The following MMP16 variants were observed in gnomAD, a reference collection of about 807,000 sequenced individuals.
MMP16 encodes matrix metallopeptidase 16, also known as matrix metalloproteinase-16.
In MMP16, 12 loss-of-function variants were observed where a neutral mutation model predicts 67.8. The ratio of observed to expected loss-of-function variants is 0.18; its 90% confidence interval spans 0.11 to 0.29. The LOEUF (loss-of-function observed/expected upper bound fraction) is 0.29, where lower values mean the gene tolerates loss of function less well. MMP16 is among the 10% of genes least tolerant of loss of function. The pLI, the probability that MMP16 is intolerant of heterozygous loss-of-function variation, is 1.00. For missense variants in MMP16, 475 were observed against 765.7 expected (o/e 0.62, Z 4.48); for synonymous variants, 249 against 255.9 (o/e 0.97, Z 0.26).
At chr8:88,112,078 G>A (rs144683621) in intron 6 of MMP16, among the ~76,000 whole-genome samples, 1 of 151,558 alleles carries the variant, frequency 6.6e-6, no homozygotes, top group Non-Finnish European at 1.5e-5. Flanking sequence ...TTTGAATACT[G>A]TTCCACGACA....
intron 1 of MMP16, among the ~76,000 whole-genome samples, chr8:88,223,542 G>T (rs1199612426): frequency 6.6e-6 from 1 of 151,884 alleles, no homozygotes; most frequent in African/African-American, 2.4e-5. Context: ...GTCCTTTGCA[G>T]GGACATGGAT....
In MMP16 at chr8:88,099,903, G is replaced by A. The variant is rs138127552; in HGVS notation, c.1083+16604C>T. ...CTGATTAGTTGATTAATGTCTATTTGCCACACTGGACTGTAAGCTCTTTAG... is the reference window on the plus strand; with the variant it reads ...CTGATTAGTTGATTAATGTCTATTTACCACACTGGACTGTAAGCTCTTTAG... On this transcript the variant is annotated intron_variant, in intron 6 of 9. Coordinates refer to ENST00000286614, the MANE Select transcript of MMP16 (RefSeq NM_005941.5). Among the ~76,000 whole-genome samples the A allele has an allele frequency of 3.3e-3, 505 of 151,944 alleles. 6 individuals are homozygous for A. Among genetic ancestry groups the A allele is most frequent in the African/African-American group, 0.012 (479 of 41,498 alleles).
intron 1 of MMP16, among the ~76,000 whole-genome samples, chr8:88,271,483 T>C (rs533561130): frequency 2.0e-5 from 3 of 151,868 alleles, no homozygotes; most frequent in African/African-American, 7.2e-5. Context: ...GATTTGGATT[T>C]TATTTTATTT....
intron 2 of MMP16, among the ~76,000 whole-genome samples, chr8:88,187,250 AG>A (rs1375133378): frequency 6.6e-6 from 1 of 152,208 alleles, no homozygotes; most frequent in Non-Finnish European, 1.5e-5. Flanking sequence ...CACAAGACTA[AG>A]GTTTGATGTA....
intron 1 of MMP16, among the ~76,000 whole-genome samples, chr8:88,243,742 G>C (rs2129906817): frequency 6.6e-6 from 1 of 152,260 alleles, no homozygotes; most frequent in South Asian, 2.1e-4. Context: ...AGTAAGCAGG[G>C]ATCGTTTGTG....
chr8:88,230,499 G>T (rs945938010), intron 1 of MMP16, among the ~76,000 whole-genome samples: 1 of 150,164 alleles, frequency 6.7e-6, no homozygotes, highest in Non-Finnish European at 1.5e-5. Context: ...TTTAAGCTAA[G>T]CCTAAATACT....
chr8:88,260,088 C>T (rs1251286286), intron 1 of MMP16, among the ~76,000 whole-genome samples: 1 of 151,946 alleles, frequency 6.6e-6, no homozygotes, highest in East Asian at 1.9e-4. Flanking sequence ...AAAAACAAGC[C>T]CATGGTGATA....
At chr8:88,227,073 TAAC>T (rs1809782418) in intron 1 of MMP16, among the ~76,000 whole-genome samples, 1 of 151,972 alleles carries the variant, frequency 6.6e-6, no homozygotes, top group Non-Finnish European at 1.5e-5. Context: ...GTTTTATAAG[TAAC>T]ATAACTTCCT....
At position 88,309,393 on chromosome 8, in the gene MMP16, G is replaced by A. The variant is rs535330724; in HGVS notation, c.132+17682C>T. 4.6e-5 allele frequency among the ~76,000 whole-genome samples: 7 copies of A among 151,740 alleles called. No homozygotes were observed. The East Asian group carries it at 1.4e-3, about 29-fold the overall frequency. ...ACATTATATATAATGCATTTTTATG[G>A]GAAGGAAGGCAGGGGAAGGAAGAAA... On this transcript the variant is annotated intron_variant, in intron 1 of 9. Coordinates refer to ENST00000286614, the MANE Select transcript of MMP16 (RefSeq NM_005941.5).
In MMP16 at chr8:88,186,528, T is replaced by C; in HGVS notation, c.352A>G (p.Lys118Glu). The C allele has an allele frequency of 6.2e-7, 1 of 1,612,548 alleles. No individual in the cohort carries two copies. The highest frequency in any genetic ancestry group is 8.5e-7 in the Non-Finnish European group (1 of 1,179,786). Residue 118 changes from lysine (K) to glutamate (E), a missense_variant, in exon 3 of 10, where the codon AAG (lysine) becomes GAG (glutamate). Lys to Glu is a moderately conservative substitution (Grantham distance 56, BLOSUM62 1). This residue lies in a region of MMP16 where 170 missense variants were observed against 239.6 expected (regional missense o/e 0.71). Coordinates refer to ENST00000286614, the MANE Select transcript of MMP16 (RefSeq NM_005941.5). ...TTCTGTCCTGTCAATGCATATCGCT[T>C]TCGACGAATATGAAATTTGGAGCTA... The part of the protein sequence containing the change: ...RGSSKFHIRR[K>E]RYALTGQKWQ...
intron 6 of MMP16, among the ~76,000 whole-genome samples, chr8:88,113,248 A>G (rs1306248440): frequency 1.3e-5 from 2 of 151,834 alleles, no homozygotes; most frequent in African/African-American, 2.4e-5. Context: ...AATAAATATA[A>G]AAATCACTAG....
intron 4 of MMP16, among the ~76,000 whole-genome samples, chr8:88,133,230 A>C (rs1808062531): frequency 7.7e-6 from 1 of 129,310 alleles, no homozygotes; most frequent in Non-Finnish European, 1.6e-5. Context: ...TTTGATTCTT[A>C]AGAAAAAAAA....
chr8:88,289,195 C>G (rs1368490473), intron 1 of MMP16, among the ~76,000 whole-genome samples: 1 of 152,070 alleles, frequency 6.6e-6, no homozygotes, highest in Non-Finnish European at 1.5e-5. Flanking sequence ...GAGACTGCAG[C>G]ACACTGGAGG....
intron 3 of MMP16, among the ~76,000 whole-genome samples, chr8:88,173,225 T>C (rs1808832992): frequency 6.6e-6 from 1 of 152,060 alleles, no homozygotes; most frequent in Non-Finnish European, 1.5e-5. Context: ...CTAATTTTTA[T>C]ACCTTTTGTA....
intron 1 of MMP16, among the ~76,000 whole-genome samples, chr8:88,217,346 TAC>T (rs1414975624): frequency 6.6e-6 from 1 of 152,136 alleles, no homozygotes; most frequent in Non-Finnish European, 1.5e-5. Context: ...TCTGCCTGTA[TAC>T]AGACATACTC....
intron 6 of MMP16, among the ~76,000 whole-genome samples, chr8:88,092,441 A>T (rs1162607929): frequency 6.6e-6 from 1 of 151,804 alleles, no homozygotes; most frequent in Non-Finnish European, 1.5e-5. Context: ...CATCTATCAC[A>T]TTACCCTGTT....
intron 6 of MMP16, among the ~76,000 whole-genome samples, chr8:88,076,969 C>T (rs1808661783): frequency 6.6e-6 from 1 of 152,128 alleles, no homozygotes. Flanking sequence ...ACATATGGAG[C>T]CGGGCCAGTG....
chr8:88,155,968 A>G (rs1179028494), intron 4 of MMP16, among the ~76,000 whole-genome samples: 1 of 152,148 alleles, frequency 6.6e-6, no homozygotes, highest in East Asian at 1.9e-4. Flanking sequence ...TTTCTGCCTC[A>G]ATTCCCTTGC....
At chr8:88,194,555 A>G (rs376750503) in intron 2 of MMP16, among the ~76,000 whole-genome samples, 1 of 152,036 alleles carries the variant, frequency 6.6e-6, no homozygotes. Flanking sequence ...ACCTTGATCA[A>G]TAACACCTTA....
Sources: allele counts gnomAD v4.1 joint callset (sites outside exome capture counted in the v4.1 genomes callset), GRCh38; gene constraint gnomAD v4.1.1; regional missense constraint gnomAD v4.1.1; transcripts MANE v1.5; gene names NCBI Gene and HGNC (gene_info 2026-07-23, HGNC 2026-07-21).